Variants in INPP5B observed in about 807,000 individuals in gnomAD.
The protein encoded by INPP5B is type II inositol 1,4,5-trisphosphate 5-phosphatase.
In INPP5B, 90 loss-of-function variants were observed where a neutral mutation model predicts 118.5. That is an observed-to-expected ratio of 0.76 (90% CI 0.64 to 0.90). The LOEUF (loss-of-function observed/expected upper bound fraction) is 0.90, where lower values mean the gene tolerates loss of function less well. Ranked by LOEUF, INPP5B falls within the 40% of genes least tolerant of loss-of-function variation. The pLI is 0.00. For synonymous variants in INPP5B, 385 were observed against 418.9 expected (o/e 0.92, Z 0.99); for missense variants, 984 against 1,125.6 (o/e 0.87, Z 1.80).
chr1:37,886,333 A>G (rs1442642868), intron 12 of INPP5B, among the ~76,000 whole-genome samples: 1 of 151,570 alleles, frequency 6.6e-6, no homozygotes, highest in African/African-American at 2.4e-5. Flanking sequence ...TCCACAACCT[A>G]ACTCTCTCGA....
rs144851190 is a variant in INPP5B, at chr1:37,889,463, T to C, written c.797+94A>G. On this transcript the variant is annotated intron_variant, in intron 9 of 23. Coordinates refer to ENST00000373024, the MANE Select transcript of INPP5B (RefSeq NM_005540.3). ...AGGGGAGAGATTCTATAGAAGAGTA[T>C]GTCTCCAAATCCAGGTATAGGAGGA... is the stretch of plus-strand genomic sequence containing the variant. 171 of 890,880 alleles carry C rather than the reference T, an allele frequency of 1.9e-4. 1 individual carries two copies. In the African/African-American group the frequency reaches 2.2e-3, roughly 12 times the overall value. The allele number at this position is 890,880 out of a possible 1,614,324, so 55.2% of individuals were successfully genotyped here.
At chr1:37,916,181 C>A (rs945089335) in intron 7 of INPP5B, among the ~76,000 whole-genome samples, 1 of 151,868 alleles carries the variant, frequency 6.6e-6, no homozygotes, top group Admixed American at 6.6e-5. Flanking sequence ...ACAATCTCTG[C>A]CTCCCAGGTT....
intron 7 of INPP5B, among the ~76,000 whole-genome samples, chr1:37,895,515 CCA>C (rs1003349185): frequency 6.6e-6 from 1 of 151,782 alleles, no homozygotes; most frequent in African/African-American, 2.4e-5. Context: ...CTCTCTCTCC[CCA>C]CAGTCTCCCT....
intron 15 of INPP5B, 58 bp downstream of exon 15, chr1:37,880,027 C>T: frequency 4.3e-6 from 5 of 1,158,386 alleles, no homozygotes; most frequent in East Asian, 4.8e-5. Context: ...AGGGCAAGTA[C>T]TTCCCAGAAT....
At chr1:37,878,098 G>A in intron 16 of INPP5B, 90 bp downstream of exon 16, 1 of 1,455,630 alleles carries the variant, frequency 6.9e-7, no homozygotes, top group Non-Finnish European at 9.4e-7. Context: ...CTCAAAAGGA[G>A]AGGAAGAAAC....
Position 37,866,664 on chromosome 1 carries a change from A to AC in INPP5B, c.2302-122dup, listed in dbSNP as rs148590349. 76,985 of 670,782 alleles carry AC rather than the reference A, an allele frequency of 0.11. 5,419 individuals are homozygous for AC. Among genetic ancestry groups the AC allele is most frequent in the Middle Eastern group, 0.23 (737 of 3,176 alleles). 41.6% of individuals were successfully genotyped at this position (670,782 alleles called of 1,614,324 possible). A position where few individuals can be genotyped will look rare whatever the true frequency, so the allele number is the denominator to read the frequency against. ...AGCAGTGTGGTGAGGCCTCTGAATC[A>AC]CCTGACAGATGATCTGATTTAGGCT... On this transcript the variant is annotated intron_variant, in intron 20 of 23. Coordinates refer to ENST00000373024, the MANE Select transcript of INPP5B (RefSeq NM_005540.3).
At chr1:37,923,445 T>C (rs967898699) in intron 7 of INPP5B, among the ~76,000 whole-genome samples, 1 of 152,174 alleles carries the variant, frequency 6.6e-6, no homozygotes, top group Admixed American at 6.6e-5. Context: ...CTTTATTCTA[T>C]AGGCAACAGG....
chr1:37,875,778 T>A, intron 16 of INPP5B, 62 bp from the exon 17 acceptor site: 1 of 1,203,982 alleles, frequency 8.3e-7, no homozygotes, highest in Non-Finnish European at 1.2e-6. Context: ...TTTCTCAGTA[T>A]AGACGGCATT....
At chr1:37,877,971 T>A (rs1034466512) in intron 16 of INPP5B, among the ~76,000 whole-genome samples, 2 of 152,166 alleles carry the variant, frequency 1.3e-5, no homozygotes, top group Non-Finnish European at 2.9e-5. Context: ...AAGAGACAGT[T>A]CAAAAATGCA....
intron 7 of INPP5B, among the ~76,000 whole-genome samples, chr1:37,921,528 G>T (rs921883356): frequency 5.3e-5 from 8 of 151,984 alleles, no homozygotes; most frequent in Non-Finnish European, 8.8e-5. Flanking sequence ...GCTTTAAAAA[G>T]AAGTGCCATA....
At chr1:37,867,783 A>AAT (rs1276486124) in intron 20 of INPP5B, among the ~76,000 whole-genome samples, 3 of 152,138 alleles carry the variant, frequency 2.0e-5, no homozygotes, top group African/African-American at 7.2e-5. Context: ...GTCACTCTAG[A>AAT]AATCAGGCCT....
intron 7 of INPP5B, among the ~76,000 whole-genome samples, chr1:37,925,289 A>C (rs1645188047): frequency 6.6e-6 from 1 of 152,160 alleles, no homozygotes; most frequent in African/African-American, 2.4e-5. Context: ...CTTGACATCC[A>C]CTTTGTTTAA....
intron 6 of INPP5B, among the ~76,000 whole-genome samples, chr1:37,932,372 T>C (rs1316576712): frequency 3.5e-5 from 5 of 140,998 alleles, no homozygotes; most frequent in South Asian, 2.3e-4. Context: ...TCTTTTTTTT[T>C]TTTTTTTTTT....
intron 17 of INPP5B, among the ~76,000 whole-genome samples, chr1:37,875,292 G>A (rs1049835728): frequency 1.3e-5 from 2 of 150,860 alleles, no homozygotes; most frequent in Non-Finnish European, 3.0e-5. Context: ...TTTTTGAGAT[G>A]GAGTCTCACT....
At chr1:37,866,037 ACT>A (rs1455892156) in intron 21 of INPP5B, 149 bp from the exon 22 acceptor site, 2 of 1,311,756 alleles carry the variant, frequency 1.5e-6, no homozygotes, top group Admixed American at 5.0e-5. Context: ...AAGGGACCAC[ACT>A]GTTTGTCAGG....
At chr1:37,891,226 T>TC (rs1643826991) in intron 8 of INPP5B, 132 bp downstream of exon 8, 1 of 438,736 alleles carries the variant, frequency 2.3e-6, no homozygotes, top group African/African-American at 2.7e-5. Flanking sequence ...AAACTCTGTC[T>TC]CAAAAAAAAA....
At chr1:37,880,966 T>G (rs548640262) in intron 14 of INPP5B, among the ~76,000 whole-genome samples, 90 of 152,356 alleles carry the variant, frequency 5.9e-4, no homozygotes, top group Admixed American at 4.7e-3. Context: ...CAAGTGATCC[T>G]GCCGCCTTGG....
intron 14 of INPP5B, among the ~76,000 whole-genome samples, chr1:37,882,445 A>G (rs1643263853): frequency 6.6e-6 from 1 of 152,190 alleles, no homozygotes. Flanking sequence ...CACAGAGGAG[A>G]AGGAGGCTCA....
intron 7 of INPP5B, among the ~76,000 whole-genome samples, chr1:37,923,310 AAAT>A (rs1291722054): frequency 6.6e-6 from 1 of 152,210 alleles, no homozygotes; most frequent in African/African-American, 2.4e-5. Flanking sequence ...CTTTATCCAG[AAAT>A]AATAAGCAGT....
Sources: gnomAD v4.1 joint callset for allele counts (sites outside exome capture counted in the v4.1 genomes callset) on GRCh38, gnomAD v4.1.1 for gene constraint, MANE v1.5 for transcripts, NCBI Gene and HGNC (gene_info 2026-07-23, HGNC 2026-07-21) for gene names.